Variants in FAM171B observed in about 807,000 individuals in gnomAD.
FAM171B encodes protein FAM171B.
Under a neutral mutation model 75.6 loss-of-function variants are expected in FAM171B, and 19 were observed. The ratio of observed to expected loss-of-function variants is 0.25; its 90% CI spans 0.18 to 0.37. The LOEUF is 0.37. FAM171B is among the 10% of genes least tolerant of loss of function. FAM171B has a pLI of 1.00. For missense variants in FAM171B, 848 were observed against 982.4 expected (o/e 0.86, Z 1.83); for synonymous variants, 367 against 361.7 (o/e 1.01, Z -0.17).
At chr2:186,758,063 T>C (rs1690558125) in intron 6 of FAM171B, among the ~76,000 whole-genome samples, 1 of 152,206 alleles carries the variant, frequency 6.6e-6, no homozygotes, top group African/African-American at 2.4e-5. Context: ...ATGGCCAATA[T>C]TAGAGTGCCC....
intron 1 of FAM171B, among the ~76,000 whole-genome samples, chr2:186,711,200 A>T (rs1689805275): frequency 6.6e-6 from 1 of 152,196 alleles, no homozygotes; most frequent in Non-Finnish European, 1.5e-5. Flanking sequence ...TACTTATATT[A>T]ATATTATATG....
intron 5 of FAM171B, among the ~76,000 whole-genome samples, chr2:186,752,642 G>C (rs1369485626): frequency 6.6e-6 from 1 of 152,064 alleles, no homozygotes. Flanking sequence ...TCTGGCCAAG[G>C]CATCTATCTC....
At chr2:186,727,131 C>T (rs2595396) in intron 1 of FAM171B, among the ~76,000 whole-genome samples, 150,894 of 152,130 alleles carry the variant, frequency 0.99, 74,839 homozygotes, top group Middle Eastern at 1. Flanking sequence ...CAAGCTTTAG[C>T]ATGACTCATG....
At chr2:186,705,728 T>G (rs1256279459) in intron 1 of FAM171B, among the ~76,000 whole-genome samples, 1 of 152,110 alleles carries the variant, frequency 6.6e-6, no homozygotes, top group Non-Finnish European at 1.5e-5. Flanking sequence ...TGGGTAAAAT[T>G]AGCAAGCATG....
At chr2:186,729,257 A>G (rs991757694) in intron 1 of FAM171B, among the ~76,000 whole-genome samples, 5 of 152,198 alleles carry the variant, frequency 3.3e-5, no homozygotes, top group Non-Finnish European at 7.4e-5. Context: ...GAATAGTGAT[A>G]TGTTGAAAAG....
intron 1 of FAM171B, among the ~76,000 whole-genome samples, chr2:186,725,211 G>T (rs1690013258): frequency 6.6e-6 from 1 of 151,950 alleles, no homozygotes; most frequent in African/African-American, 2.4e-5. Context: ...GGGCGTGGTG[G>T]CAGGCACCTG....
At chr2:186,736,263 A>G in intron 1 of FAM171B, among the ~76,000 whole-genome samples, 1 of 152,206 alleles carries the variant, frequency 6.6e-6, no homozygotes, top group East Asian at 1.9e-4. Flanking sequence ...TACAAGCATA[A>G]ACATTGATGA....
chr2:186,705,766 G>A (rs1689725473), intron 1 of FAM171B, among the ~76,000 whole-genome samples: 1 of 152,224 alleles, frequency 6.6e-6, no homozygotes, highest in Non-Finnish European at 1.5e-5. Context: ...CCAACCAGAA[G>A]GCTCTAAACC....
chr2:186,702,052 A>G (rs1397092370), intron 1 of FAM171B, among the ~76,000 whole-genome samples: 10 of 152,188 alleles, frequency 6.6e-5, no homozygotes, highest in Non-Finnish European at 1.5e-4. Flanking sequence ...AAGAGTCTAA[A>G]ACCATGAAAG....
chr2:186,718,441 A>G (rs1689904701), intron 1 of FAM171B, among the ~76,000 whole-genome samples: 1 of 152,154 alleles, frequency 6.6e-6, no homozygotes. Flanking sequence ...ACTCAACTCT[A>G]GGTTTTCAAA....
chr2:186,741,967 A>C (rs1690295242), intron 2 of FAM171B, among the ~76,000 whole-genome samples: 1 of 152,170 alleles, frequency 6.6e-6, no homozygotes, highest in African/African-American at 2.4e-5. Context: ...TGATACCTTA[A>C]TAAATGAAAT....
intron 1 of FAM171B, among the ~76,000 whole-genome samples, chr2:186,736,864 T>C (rs1439011556): frequency 2.0e-5 from 3 of 152,290 alleles, no homozygotes; most frequent in Non-Finnish European, 4.4e-5. Context: ...TCTGATTTGC[T>C]GTTCTTGATA....
intron 1 of FAM171B, among the ~76,000 whole-genome samples, chr2:186,705,355 C>A (rs1689719894): frequency 6.6e-6 from 1 of 152,142 alleles, no homozygotes; most frequent in Admixed American, 6.5e-5. Flanking sequence ...TGGAAAGCTG[C>A]TTCTGCCCTG....
intron 5 of FAM171B, 76 bp from the exon 6 acceptor site, chr2:186,753,857 C>G: frequency 9.3e-7 from 1 of 1,074,862 alleles, no homozygotes; most frequent in Non-Finnish European, 1.4e-6. Context: ...TTGAAAAAGT[C>G]CCATAATGTA....
chr2:186,726,409 G>A (rs1457180741), intron 1 of FAM171B, among the ~76,000 whole-genome samples: 1 of 152,046 alleles, frequency 6.6e-6, no homozygotes, highest in African/African-American at 2.4e-5. Context: ...TTTAAAAGAA[G>A]GAGGCTTGTG....
intron 1 of FAM171B, among the ~76,000 whole-genome samples, chr2:186,721,470 A>G (rs1689951487): frequency 6.6e-6 from 1 of 152,186 alleles, no homozygotes; most frequent in Non-Finnish European, 1.5e-5. Flanking sequence ...ACGTGTATTT[A>G]GAATACTAAA....
chr2:186,731,689 A>T (rs1412364661), intron 1 of FAM171B, among the ~76,000 whole-genome samples: 1 of 152,194 alleles, frequency 6.6e-6, no homozygotes, highest in Non-Finnish European at 1.5e-5. Flanking sequence ...ACTGAGACCT[A>T]TCGGGAACTG....
At chr2:186,749,446 A>G (rs1690418604) in intron 4 of FAM171B, among the ~76,000 whole-genome samples, 1 of 152,204 alleles carries the variant, frequency 6.6e-6, no homozygotes, top group Admixed American at 6.5e-5. Context: ...TTAACAATTT[A>G]TATAACATTT....
At chr2:186,753,362 T>A (rs922742052) in intron 5 of FAM171B, among the ~76,000 whole-genome samples, 45 of 152,182 alleles carry the variant, frequency 3.0e-4, no homozygotes, top group African/African-American at 1.1e-3. Context: ...AAATGACAAC[T>A]TTTTTGGAAT....
Sources: allele counts gnomAD v4.1 joint callset (sites outside exome capture counted in the v4.1 genomes callset), GRCh38; gene constraint gnomAD v4.1.1; transcripts MANE v1.5; gene names NCBI Gene and HGNC (gene_info 2026-07-23, HGNC 2026-07-21).